CYP11A1: variants seen among roughly 807,000 people sequenced by gnomAD.
The protein encoded by CYP11A1 is cytochrome P450 family 11 subfamily A member 1.
In CYP11A1, 25 loss-of-function variants were observed where a neutral mutation model predicts 51.9. The ratio of observed to expected loss-of-function variants is 0.48; its 90% CI spans 0.35 to 0.67. CYP11A1 has a LOEUF of 0.67. CYP11A1 is among the 30% of genes least tolerant of loss of function. CYP11A1 has a pLI of 0.00. For missense variants in CYP11A1, 578 were observed against 680.9 expected (o/e 0.85, Z 1.68); for synonymous variants, 245 against 262.1 (o/e 0.93, Z 0.63).
chr15:74,341,615 C>T (rs1235234726), intron 5 of CYP11A1, among the ~76,000 whole-genome samples: 1 of 152,196 alleles, frequency 6.6e-6, no homozygotes, highest in Non-Finnish European at 1.5e-5. Flanking sequence ...AGGTGCTTGC[C>T]TCTGTCACTG....
In CYP11A1 at chr15:74,339,715, T is replaced by C; in HGVS notation, c.1029A>G (p.Ala343=). Residue 343 remains alanine, a synonymous_variant, in exon 6 of 9, where the codon GCA becomes GCG. Coordinates refer to ENST00000268053, the MANE Select transcript of CYP11A1 (RefSeq NM_000781.3). ...GCATATCCTGCACCTTCAGGTTGCGTGCCATCTCATACAAGTGCCACTGCA... is the reference window on the plus strand; with the variant it reads ...GCATATCCTGCACCTTCAGGTTGCGCGCCATCTCATACAAGTGCCACTGCA... ...MTLQWHLYEM[A]RNLKVQDMLR... is the part of the protein sequence containing the mutation. 6.2e-7 allele frequency: 1 copy of C among 1,614,118 alleles called. No homozygotes were observed. Among genetic ancestry groups the C allele is most frequent in the South Asian group, 1.1e-5 (1 of 91,082 alleles).
chr15:74,338,580 G>A lies in CYP11A1; in HGVS notation c.1425C>T (p.Phe475=), dbSNP rs914444285. The change falls in exon 8 of 9, where the codon TTC becomes TTT. Residue 475 remains phenylalanine, a synonymous_variant. Transcript: ENST00000268053. ...CCCCAGCTTGACTCACATTGATGAGGAAGATGGTCATCTCTAGCTCAGCGA... is the reference window on the plus strand; with the variant it reads ...CCCCAGCTTGACTCACATTGATGAGAAAGATGGTCATCTCTAGCTCAGCGA... ...RRIAELEMTI[F]LINMLENFRV... 5 of 1,614,002 alleles carry A rather than the reference G, an allele frequency of 3.1e-6. No individual in the cohort carries two copies. In the African/African-American group the frequency reaches 5.3e-5, roughly 17 times the overall value.
Position 74,343,257 on chromosome 15 carries a change from G to A in CYP11A1, c.830-120C>T, listed in dbSNP as rs2060616281. ...GGATTCCGGAGCCCTGTGCTTCTTA[G>A]GCTGCCGTTTTACTGAGCACGTACT... On this transcript the variant is annotated intron_variant, in intron 4 of 8. Coordinates refer to ENST00000268053, the MANE Select transcript of CYP11A1 (RefSeq NM_000781.3). 6.9e-6 allele frequency: 7 copies of A among 1,014,684 alleles called. No homozygotes were observed. In the Admixed American group the frequency reaches 1.1e-4, roughly 16 times the overall value. The allele number at this position is 1,014,684 out of a possible 1,614,324, so 62.9% of individuals were successfully genotyped here. A position where few individuals can be genotyped will look rare whatever the true frequency, so the allele number is the denominator to read the frequency against.
intron 1 of CYP11A1, chr15:74,350,130 G>A (rs765015945): frequency 5.1e-6 from 2 of 395,366 alleles, no homozygotes; most frequent in African/African-American, 2.2e-5. Flanking sequence ...ATTGTTGTGA[G>A]ACAACATAAG....
intron 1 of CYP11A1, chr15:74,354,451 A>T (rs1283972333): frequency 6.6e-6 from 1 of 151,960 alleles, no homozygotes; most frequent in Non-Finnish European, 1.5e-5. Context: ...CTCTTTTCGG[A>T]TTCAGCCTGC....
chr15:74,348,510 T>C (rs541483067), intron 1 of CYP11A1, among the ~76,000 whole-genome samples: 178 of 152,286 alleles, frequency 1.2e-3, no homozygotes, highest in African/African-American at 4.1e-3. Context: ...AGTGACTCAC[T>C]ATAGCTTGCA....
chr15:74,367,140 T>A, intron 1 of CYP11A1, 177 bp downstream of exon 1: 6 of 667,738 alleles, frequency 9.0e-6, no homozygotes, highest in Non-Finnish European at 1.5e-5. Flanking sequence ...AAATGTTGAA[T>A]TTTGAAATAT....
intron 5 of CYP11A1, among the ~76,000 whole-genome samples, chr15:74,341,635 A>G (rs2060607485): frequency 1.3e-5 from 2 of 152,150 alleles, no homozygotes. Context: ...GCAGTGTGCT[A>G]TTCCTCCGTT....
chr15:74,343,133 G>C lies in CYP11A1; in HGVS notation c.834C>G (p.Asp278Glu). 4 of 1,613,740 alleles carry C rather than the reference G, an allele frequency of 2.5e-6. No individual in the cohort carries two copies. The highest frequency in any genetic ancestry group is 3.4e-6 in the Non-Finnish European group (4 of 1,180,012). ...CCCAGTAGAAGTTCTGGGTGTATAT[G>C]TCAGCTGTGGGGAAGGAGGAAAGAA... is the stretch of plus-strand genomic sequence containing the variant. ...AAWDVIFSKA[D>E]IYTQNFYWEL... The change falls in exon 5 of 9, where the codon GAC (aspartate) becomes GAG (glutamate). Residue 278 changes from aspartate to glutamate, a missense_variant. Asp to Glu is a conservative substitution (Grantham distance 45). Coordinates refer to ENST00000268053, the MANE Select transcript of CYP11A1 (RefSeq NM_000781.3).
At chr15:74,339,844 C>A in intron 5 of CYP11A1, 91 bp from the exon 6 acceptor site, 2 of 1,287,528 alleles carry the variant, frequency 1.6e-6, no homozygotes, top group South Asian at 1.2e-5. Flanking sequence ...TTTTCATTTC[C>A]AAGAACCTCT....
At chr15:74,352,157 A>C (rs2060659202) in intron 1 of CYP11A1, among the ~76,000 whole-genome samples, 1 of 152,164 alleles carries the variant, frequency 6.6e-6, no homozygotes, top group Non-Finnish European at 1.5e-5. Flanking sequence ...TTAAAGTATA[A>C]CTTTACTAAA....
chr15:74,348,223 C>G, intron 1 of CYP11A1, 168 bp from the exon 2 acceptor site: 1 of 674,760 alleles, frequency 1.5e-6, no homozygotes, highest in Non-Finnish European at 2.5e-6. Flanking sequence ...GAGACAAATA[C>G]AGTACCTGTC....
intron 1 of CYP11A1, among the ~76,000 whole-genome samples, chr15:74,357,451 C>T (rs2060685566): frequency 6.6e-6 from 1 of 152,222 alleles, no homozygotes; most frequent in Admixed American, 6.5e-5. Context: ...AGCAACAATG[C>T]CTTTCCTTCC....
Position 74,339,771 on chromosome 15 carries a change from A to T in CYP11A1, c.991-18T>A, listed in dbSNP as rs2060598149. The T allele has an allele frequency of 6.2e-7, 1 of 1,613,776 alleles. No individual in the cohort carries two copies. The highest frequency in any genetic ancestry group is 1.3e-5 in the African/African-American group (1 of 74,928). On this transcript the variant is annotated intron_variant, in intron 5 of 8. Transcript: ENST00000268053. ...ATGGACGTCTGGTGGGGAGTAGGGT[A>T]TACAGAAGACCAGGAGGGCCTGTCA...
In CYP11A1 at chr15:74,343,059, T is replaced by C; in HGVS notation, c.908A>G (p.Tyr303Cys). 2 of 1,613,730 alleles carry C rather than the reference T, an allele frequency of 1.2e-6. No individual in the cohort carries two copies. The highest frequency in any genetic ancestry group is 1.7e-6 in the Non-Finnish European group (2 of 1,179,990). ...SVHHDYRGILYRLLGDSKMSF... is the reference protein window; with the variant it reads ...SVHHDYRGILCRLLGDSKMSF... ...CATCTTGCTGTCTCCCAGGAGTCTGTAGAGGATGCCACGGTAATCGTGGTG... is the reference window on the plus strand; with the variant it reads ...CATCTTGCTGTCTCCCAGGAGTCTGCAGAGGATGCCACGGTAATCGTGGTG... Residue 303 changes from tyrosine (Y) to cysteine (C), a missense_variant, in exon 5 of 9, where the codon TAC becomes TGC. Transcript: ENST00000268053.
In CYP11A1 at chr15:74,339,733, C is replaced by G; in HGVS notation, c.1011G>C (p.Trp337Cys). The G allele has an allele frequency of 6.2e-7, 1 of 1,614,052 alleles. No homozygotes were observed. The highest frequency in any genetic ancestry group is 8.5e-7 in the Non-Finnish European group (1 of 1,179,998). The change falls in exon 6 of 9, where the codon TGG (tryptophan) becomes TGC (cysteine). Residue 337 changes from tryptophan to cysteine, a missense_variant. Coordinates refer to ENST00000268053, the MANE Select transcript of CYP11A1 (RefSeq NM_000781.3). The stretch of plus-strand genomic sequence containing the variant: ...GGTTGCGTGCCATCTCATACAAGTG[C>G]CACTGCAGGGTCATGGACGTCTGGT... ...GVDTTSMTLQ[W>C]HLYEMARNLK... is the part of the protein sequence containing the mutation.
intron 1 of CYP11A1, among the ~76,000 whole-genome samples, chr15:74,356,886 C>T (rs1437972179): frequency 1.3e-5 from 2 of 152,180 alleles, no homozygotes; most frequent in Non-Finnish European, 2.9e-5. Context: ...CCCATTAAAA[C>T]CTAATCACCC....
chr15:74,357,707 A>G (rs546858663), intron 1 of CYP11A1, among the ~76,000 whole-genome samples: 1 of 152,300 alleles, frequency 6.6e-6, no homozygotes, highest in East Asian at 1.9e-4. Context: ...CTTACACAAG[A>G]GCCAGGACCG....
At chr15:74,339,486 A>C (rs2060596010) in intron 6 of CYP11A1, 101 bp downstream of exon 6, 1 of 1,518,512 alleles carries the variant, frequency 6.6e-7, no homozygotes, top group Non-Finnish European at 9.0e-7. Flanking sequence ...CCTGCTTCCA[A>C]CCTCCTCCAC....
Sources: gnomAD v4.1 joint callset for allele counts (sites outside exome capture counted in the v4.1 genomes callset) on GRCh38, gnomAD v4.1.1 for gene constraint, MANE v1.5 for transcripts, NCBI Gene and HGNC (gene_info 2026-07-23, HGNC 2026-07-21) for gene names.